The following SLC30A8 variants were observed in gnomAD, a reference collection of about 807,000 sequenced individuals.
SLC30A8 encodes the protein proton-coupled zinc antiporter SLC30A8.
A neutral mutation model predicts 36.9 loss-of-function variants in SLC30A8; 27 were observed. The observed-to-expected ratio is 0.73, with a 90% confidence interval of 0.54 to 1.01. SLC30A8 has a LOEUF of 1.01. Ranked by LOEUF, SLC30A8 falls within the 50% of genes least tolerant of loss-of-function variation. SLC30A8 has a pLI of 0.00. For missense variants in SLC30A8, 439 were observed against 452.0 expected (o/e 0.97, Z 0.26); for synonymous variants, 164 against 172.4 (o/e 0.95, Z 0.38).
intron 2 of SLC30A8, among the ~76,000 whole-genome samples, chr8:117,095,372 G>A (rs1477285978): frequency 1.3e-5 from 2 of 152,070 alleles, no homozygotes; most frequent in Non-Finnish European, 2.9e-5. Flanking sequence ...AGTAATAATA[G>A]TAACATATTA....
chr8:117,139,174 T>C (rs778843785), intron 1 of SLC30A8, among the ~76,000 whole-genome samples: 30 of 152,026 alleles, frequency 2.0e-4, no homozygotes, highest in Non-Finnish European at 3.7e-4. Context: ...AAGAAGCCTG[T>C]TATAGATTGA....
intron 1 of SLC30A8, among the ~76,000 whole-genome samples, chr8:117,004,111 G>A (rs1816097712): frequency 6.6e-6 from 1 of 152,152 alleles, no homozygotes; most frequent in African/African-American, 2.4e-5. Context: ...TCATTGTCCA[G>A]TCCCTGTTTA....
chr8:117,140,286 C>G (rs993631356), intron 1 of SLC30A8, among the ~76,000 whole-genome samples: 5 of 151,860 alleles, frequency 3.3e-5, no homozygotes, highest in Non-Finnish European at 7.4e-5. Context: ...TTAACATATT[C>G]ATAATAAGAG....
At chr8:117,017,005 A>T (rs1222010766) in intron 1 of SLC30A8, among the ~76,000 whole-genome samples, 3 of 152,152 alleles carry the variant, frequency 2.0e-5, no homozygotes, top group Non-Finnish European at 2.9e-5. Flanking sequence ...TAAGAGAGTT[A>T]GAGTGCCTGG....
At chr8:116,994,488 C>T (rs1367240930) in intron 1 of SLC30A8, among the ~76,000 whole-genome samples, 1 of 152,094 alleles carries the variant, frequency 6.6e-6, no homozygotes, top group Non-Finnish European at 1.5e-5. Flanking sequence ...CACATTTCAA[C>T]ATGAATGAAT....
upstream of SLC30A8, among the ~76,000 whole-genome samples, chr8:117,132,930 A>AT (rs577032919): frequency 5.3e-3 from 806 of 152,114 alleles, 9 homozygotes; most frequent in African/African-American, 0.019. Flanking sequence ...CTCTGTTCTT[A>AT]TGCTACTCAC....
At chr8:117,067,026 A>G (rs1372789863) in intron 2 of SLC30A8, among the ~76,000 whole-genome samples, 5 of 152,132 alleles carry the variant, frequency 3.3e-5, no homozygotes, top group South Asian at 2.1e-4. Context: ...GAAACTTACA[A>G]TCATGGTGGA....
intron 2 of SLC30A8, among the ~76,000 whole-genome samples, chr8:117,115,971 G>A (rs1820425988): frequency 1.3e-5 from 2 of 152,024 alleles, no homozygotes. Flanking sequence ...ATTGTGTGTT[G>A]GTTGTGCGTT....
upstream of SLC30A8, among the ~76,000 whole-genome samples, chr8:117,134,275 T>C (rs1312978322): frequency 6.6e-6 from 1 of 151,978 alleles, no homozygotes; most frequent in East Asian, 1.9e-4. Context: ...AACAAGAACC[T>C]GGTGGTCTGG....
At chr8:117,008,248 A>G (rs1472747334) in intron 1 of SLC30A8, among the ~76,000 whole-genome samples, 4 of 152,182 alleles carry the variant, frequency 2.6e-5, no homozygotes, top group East Asian at 1.9e-4. Context: ...TAAGAACCCT[A>G]TTGTATTTGG....
chr8:116,981,297 A>G (rs1815251250), intron 1 of SLC30A8, among the ~76,000 whole-genome samples: 1 of 152,132 alleles, frequency 6.6e-6, no homozygotes, highest in South Asian at 2.1e-4. Flanking sequence ...ACTTTTCTTG[A>G]CCAAGGCTCA....
chr8:117,085,810 A>T (rs1818856316), intron 2 of SLC30A8, among the ~76,000 whole-genome samples: 1 of 152,182 alleles, frequency 6.6e-6, no homozygotes, highest in South Asian at 2.1e-4. Context: ...CCAAGAGTTG[A>T]ACTAGGGTAG....
intron 2 of SLC30A8, among the ~76,000 whole-genome samples, chr8:117,076,865 A>G (rs923652857): frequency 6.6e-6 from 1 of 152,162 alleles, no homozygotes; most frequent in Admixed American, 6.5e-5. Flanking sequence ...AAACTAATAA[A>G]GTGTAGCAGC....
At chr8:116,968,146 T>C (rs1327849358) in intron 1 of SLC30A8, among the ~76,000 whole-genome samples, 1 of 152,176 alleles carries the variant, frequency 6.6e-6, no homozygotes, top group Non-Finnish European at 1.5e-5. Context: ...TTGGCAAAAT[T>C]TGATAATTTG....
chr8:117,033,395 A>G (rs113209463), intron 1 of SLC30A8, among the ~76,000 whole-genome samples: 1 of 152,248 alleles, frequency 6.6e-6, no homozygotes, highest in East Asian at 1.9e-4. Context: ...GTATGATTCC[A>G]TTTATAAGAC....
At position 117,152,987 on chromosome 8, in the gene SLC30A8, C is replaced by T; in HGVS notation, c.315C>T (p.Ala105=). The change falls in exon 3 of 8, where the codon GCC becomes GCT. Residue 105 remains alanine, a synonymous_variant. Transcript: ENST00000456015. Reference sequence around the variant, plus strand: ...GTCTTGCTGTTGTCACAGATGCTGCCCACCTCTTAATTGACCTGACCAGTT... The same window carrying T: ...GTCTTGCTGTTGTCACAGATGCTGCTCACCTCTTAATTGACCTGACCAGTT... ...AGSLAVVTDA[A]HLLIDLTSFL... The T allele has an allele frequency of 1.9e-6, 3 of 1,612,992 alleles. No individual in the cohort carries two copies. Among genetic ancestry groups the T allele is most frequent in the Middle Eastern group, 1.7e-4 (1 of 6,052 alleles).
At chr8:117,120,646 ACAAT>A (rs1385210023) in intron 2 of SLC30A8, among the ~76,000 whole-genome samples, 3 of 151,882 alleles carry the variant, frequency 2.0e-5, no homozygotes, top group Non-Finnish European at 2.9e-5. Flanking sequence ...AACAAGGGAC[ACAAT>A]CAACAGAATA....
intron 6 of SLC30A8, among the ~76,000 whole-genome samples, chr8:117,170,154 T>G (rs1823297507): frequency 6.6e-6 from 1 of 152,162 alleles, no homozygotes. Flanking sequence ...TAATTGGTCT[T>G]GGGTGTAACT....
intron 2 of SLC30A8, among the ~76,000 whole-genome samples, chr8:117,094,104 C>T (rs1427572908): frequency 1.3e-5 from 2 of 152,230 alleles, no homozygotes; most frequent in African/African-American, 4.8e-5. Context: ...ACAGCCCTGA[C>T]TAAGGGAGCC....
Sources: gnomAD v4.1 joint callset for allele counts (sites outside exome capture counted in the v4.1 genomes callset) on GRCh38, gnomAD v4.1.1 for gene constraint, MANE v1.5 for transcripts, NCBI Gene and HGNC (gene_info 2026-07-23, HGNC 2026-07-21) for gene names.